CSPP1: variants seen among roughly 807,000 people sequenced by gnomAD.
The protein encoded by CSPP1 is centrosome and spindle pole-associated protein 1.
A neutral mutation model predicts 164.4 loss-of-function variants in CSPP1; 126 were observed. The ratio of observed to expected loss-of-function variants is 0.77; its 90% CI spans 0.66 to 0.89. CSPP1 has a LOEUF of 0.89. CSPP1 is among the 40% of genes least tolerant of loss of function. The pLI, the probability that CSPP1 is intolerant of heterozygous loss-of-function variation, is 0.00. For missense variants in CSPP1, 1,395 were observed against 1,449.8 expected (o/e 0.96, Z 0.61); for synonymous variants, 472 against 476.7 (o/e 0.99, Z 0.13).
chr8:67,173,723 C>A (rs572120636), intron 25 of CSPP1: 10 of 152,106 alleles, frequency 6.6e-5, no homozygotes, highest in Non-Finnish European at 1.5e-4. Context: ...TAGATTTACA[C>A]GTATTATCAA....
intron 3 of CSPP1, among the ~76,000 whole-genome samples, chr8:67,085,133 T>C (rs898971992): frequency 2.0e-5 from 3 of 152,162 alleles, no homozygotes; most frequent in African/African-American, 7.2e-5. Context: ...TTACAGAGTT[T>C]CTGTTTGGGA....
At chr8:67,170,299 A>G (rs1034691656) in intron 24 of CSPP1, among the ~76,000 whole-genome samples, 1 of 151,728 alleles carries the variant, frequency 6.6e-6, no homozygotes, top group African/African-American at 2.4e-5. Flanking sequence ...ACAAAAAAAA[A>G]AAAAAAAATT....
chr8:67,072,446 A>AT (rs1342640697), intron 1 of CSPP1, among the ~76,000 whole-genome samples: 1 of 152,212 alleles, frequency 6.6e-6, no homozygotes, highest in Non-Finnish European at 1.5e-5. Context: ...TTACAAAGCA[A>AT]GTTTTGTAAA....
At chr8:67,074,702 G>GT (rs540557482) in intron 2 of CSPP1, 5 of 227,058 alleles carry the variant, frequency 2.2e-5, no homozygotes, top group South Asian at 4.8e-5. Context: ...AGTTTAAAAA[G>GT]TTTTTTTGAA....
chr8:67,160,022 TTTTCTTTTC>T (rs1563715330), intron 21 of CSPP1, among the ~76,000 whole-genome samples: 1 of 98,820 alleles, frequency 1.0e-5, no homozygotes, highest in African/African-American at 5.9e-5. Context: ...TTTTCTTTTC[TTTTCTTTTC>T]TTTTTCTTTT....
At chr8:67,183,759 A>G (rs2129572326) in intron 28 of CSPP1, among the ~76,000 whole-genome samples, 1 of 151,614 alleles carries the variant, frequency 6.6e-6, no homozygotes. Flanking sequence ...GACCTTGGAT[A>G]TGGTGATGAC....
chr8:67,132,487 AG>A (rs983278964), intron 16 of CSPP1, among the ~76,000 whole-genome samples: 4 of 152,222 alleles, frequency 2.6e-5, no homozygotes, highest in Non-Finnish European at 4.4e-5. Flanking sequence ...GGCCAAGAAA[AG>A]TATGAAAGGA....
Position 67,192,847 on chromosome 8 carries a change from A to G in CSPP1, c.3331-617A>G, listed in dbSNP as rs553978061. ...ATTCTTCTTAATCTTCCATTGATCTACATGTCTTTTCTTATGTCAGTACCA... is the reference window on the plus strand; with the variant it reads ...ATTCTTCTTAATCTTCCATTGATCTGCATGTCTTTTCTTATGTCAGTACCA... On this transcript the variant is annotated intron_variant, in intron 29 of 30. Transcript: ENST00000678616. Among the ~76,000 whole-genome samples the G allele has an allele frequency of 3.9e-5, 6 of 152,314 alleles. No homozygotes were observed. The East Asian group carries it at 1.2e-3, about 29-fold the overall frequency.
At chr8:67,120,887 C>CCTGT (rs1818839658) in intron 15 of CSPP1, among the ~76,000 whole-genome samples, 2 of 151,056 alleles carry the variant, frequency 1.3e-5, no homozygotes, top group South Asian at 4.2e-4. Context: ...AGAGTCTCAC[C>CCTGT]CTGTCACCCA....
chr8:67,140,611 C>T (rs1194260074), intron 17 of CSPP1, among the ~76,000 whole-genome samples: 1 of 152,122 alleles, frequency 6.6e-6, no homozygotes, highest in African/African-American at 2.4e-5. Context: ...ATGAATAGTG[C>T]TATAATATTT....
chr8:67,108,921 A>G (rs1297376225), intron 9 of CSPP1, among the ~76,000 whole-genome samples: 2 of 152,190 alleles, frequency 1.3e-5, no homozygotes, highest in Non-Finnish European at 2.9e-5. Context: ...TTTGCTTTGT[A>G]TAGTCTGCTT....
chr8:67,153,075 G>A (rs1216097712), intron 18 of CSPP1, among the ~76,000 whole-genome samples: 1 of 152,090 alleles, frequency 6.6e-6, no homozygotes. Flanking sequence ...GGTGGCACAC[G>A]CCTGTAGTCC....
chr8:67,169,691 C>G (rs554966170), intron 24 of CSPP1, among the ~76,000 whole-genome samples: 1 of 152,082 alleles, frequency 6.6e-6, no homozygotes, highest in Non-Finnish European at 1.5e-5. Flanking sequence ...CCACCCGCCT[C>G]GGCCTCCCAA....
rs755097390 is a variant in CSPP1 at position 67,066,607 on chromosome 8, G to A, written c.-11+2069G>A. Among the ~76,000 whole-genome samples, 10 of 152,164 alleles carry A rather than the reference G, an allele frequency of 6.6e-5. No individual in the cohort carries two copies. In the South Asian group the frequency reaches 1.7e-3, roughly 25 times the overall value. On this transcript the variant is annotated intron_variant, in intron 1 of 30. Coordinates refer to ENST00000678616, the MANE Select transcript of CSPP1 (RefSeq NM_001382391.1). Reference sequence around the variant, plus strand: ...TCTGAGTTGTAGACATTTTCAGATTGATTTCTTCGTATCTCCGGTGTATCC... The same window carrying A: ...TCTGAGTTGTAGACATTTTCAGATTAATTTCTTCGTATCTCCGGTGTATCC...
At chr8:67,080,772 G>T (rs1197868515) in intron 3 of CSPP1, 1 of 152,234 alleles carries the variant, frequency 6.6e-6, no homozygotes, top group Non-Finnish European at 1.5e-5. Flanking sequence ...GACACATAGG[G>T]TAAGGTCTGG....
intron 28 of CSPP1, among the ~76,000 whole-genome samples, chr8:67,187,620 G>A (rs567271853): frequency 3.9e-5 from 6 of 152,138 alleles, no homozygotes; most frequent in African/African-American, 1.2e-4. Context: ...GAAGTTCAAG[G>A]CTGCCGTGAG....
intron 28 of CSPP1, among the ~76,000 whole-genome samples, chr8:67,180,614 T>C (rs1372917069): frequency 6.6e-6 from 1 of 152,158 alleles, no homozygotes; most frequent in Non-Finnish European, 1.5e-5. Flanking sequence ...AGATGGTAAA[T>C]TTGAATAAGA....
chr8:67,162,025 C>G (rs1828457177), intron 22 of CSPP1, 110 bp downstream of exon 22: 1 of 706,396 alleles, frequency 1.4e-6, no homozygotes. Flanking sequence ...TTTTTCAGAT[C>G]TGAAATATAG....
rs148523727 is a variant in CSPP1, at chr8:67,106,672, G to C, written c.1093+697G>C. On this transcript the variant is annotated intron_variant, in intron 9 of 30. Coordinates refer to ENST00000678616, the MANE Select transcript of CSPP1 (RefSeq NM_001382391.1). Reference sequence around the variant, plus strand: ...AAAATTTAATACCAGAAACTGTGAGGAGAGACTTGTTTCTGGTTTATACCT... The same window carrying C: ...AAAATTTAATACCAGAAACTGTGAGCAGAGACTTGTTTCTGGTTTATACCT... Among the ~76,000 whole-genome samples the C allele has an allele frequency of 1.5e-3, 231 of 152,252 alleles. 4 individuals carry two copies. Among genetic ancestry groups the C allele is most frequent in the East Asian group, 0.014 (75 of 5,178 alleles).
Sources: allele counts gnomAD v4.1 joint callset (sites outside exome capture counted in the v4.1 genomes callset), GRCh38; gene constraint gnomAD v4.1.1; transcripts MANE v1.5; gene names NCBI Gene and HGNC (gene_info 2026-07-23, HGNC 2026-07-21).